FNTB: variants seen among roughly 807,000 people sequenced by gnomAD.
FNTB encodes protein farnesyltransferase subunit beta.
Under a neutral mutation model 59.4 loss-of-function variants are expected in FNTB, and 27 were observed. That is an observed-to-expected ratio of 0.45 (90% CI 0.34 to 0.63). FNTB has a LOEUF of 0.63. Among genes scored for constraint, FNTB ranks in the 20% least tolerant of loss-of-function variants. The pLI, the probability that FNTB is intolerant of heterozygous loss-of-function variation, is 0.02. For synonymous variants in FNTB, 230 were observed against 220.7 expected, an observed-to-expected ratio of 1.04 and a Z score of -0.37; for missense variants, 449 against 559.6, an observed-to-expected ratio of 0.80 and a Z score of 1.99.
Position 65,027,818 on chromosome 14 carries a change from ACT to A in FNTB, c.605+40_605+41del. 1 of 1,613,224 alleles carries A rather than the reference ACT, an allele frequency of 6.2e-7. No homozygotes were observed. The highest frequency in any genetic ancestry group is 8.5e-7 in the Non-Finnish European group (1 of 1,179,652). On this transcript the variant is annotated intron_variant, in intron 6 of 11. Transcript: ENST00000246166. This position sits in a 1 kb window ranked among gnomAD's most constrained non-coding sequence, Gnocchi z 5.7. The stretch of plus-strand genomic sequence containing the variant: ...TTTGCACAGGCTGCCACATCAGTTG[ACT>A]CTAGAGCTCATCTGCCATTAGAGAT...
rs1323386467 is a variant in FNTB at position 65,056,739 on chromosome 14, A to G, written c.1182+2050A>G. On this transcript the variant is annotated intron_variant, in intron 11 of 11. Coordinates refer to ENST00000246166, the MANE Select transcript of FNTB (RefSeq NM_002028.4). ...TGTATATTTTTAATACTAATCTTCT[A>G]TCAGTTACATGTGTGTAGTGAATAT... Among the ~76,000 whole-genome samples the G allele has an allele frequency of 2.0e-5, 3 of 152,134 alleles. No individual in the cohort carries two copies. In the East Asian group the frequency reaches 5.8e-4, roughly 29 times the overall value.
chr14:65,005,485 C>CTT (rs1288609575), intron 2 of FNTB, among the ~76,000 whole-genome samples: 7 of 136,532 alleles, frequency 5.1e-5, no homozygotes, highest in Non-Finnish European at 1.1e-4. Flanking sequence ...TTCTTTCTTT[C>CTT]TTTCTTTCTT....
rs548076572 is a variant in FNTB at position 65,031,411 on chromosome 14, G to A, written c.606-1199G>A. 4.6e-5 allele frequency among the ~76,000 whole-genome samples: 7 copies of A among 151,532 alleles called. No homozygotes were observed. Among genetic ancestry groups the A allele is most frequent in the Non-Finnish European group, 8.8e-5 (6 of 67,888 alleles). The stretch of plus-strand genomic sequence containing the variant: ...TGGCTCACTGCAACCCCCGCCTCCC[G>A]GGTTCAAGTGGTTCTCCTGCCTCAG... On this transcript the variant is annotated intron_variant, in intron 6 of 11. Transcript: ENST00000246166. This position sits in a 1 kb window ranked among gnomAD's most constrained non-coding sequence, Gnocchi z 4.6.
intron 4 of FNTB, among the ~76,000 whole-genome samples, chr14:65,017,074 C>T (rs2061789280): frequency 1.3e-5 from 2 of 152,134 alleles, no homozygotes; most frequent in South Asian, 4.1e-4. Flanking sequence ...AGGCACCCAC[C>T]ACCGTGCCTG....
At chr14:65,025,708 G>A (rs920127957) in intron 4 of FNTB, among the ~76,000 whole-genome samples, 11 of 152,126 alleles carry the variant, frequency 7.2e-5, no homozygotes, top group African/African-American at 2.7e-4. Flanking sequence ...CTAGCTACTT[G>A]GGAGGCTGAG....
At chr14:64,996,463 C>T (rs751421352) in intron 1 of FNTB, among the ~76,000 whole-genome samples, 1 of 152,186 alleles carries the variant, frequency 6.6e-6, no homozygotes, top group African/African-American at 2.4e-5. Context: ...TACTGTTAGG[C>T]TTAACATTTG....
rs1427166269 is a variant in FNTB, at chr14:64,997,801, T to C, written c.145-6448T>C. On this transcript the variant is annotated intron_variant, in intron 1 of 11. Coordinates refer to ENST00000246166, the MANE Select transcript of FNTB (RefSeq NM_002028.4). This position sits in a 1 kb window ranked among gnomAD's most constrained non-coding sequence, Gnocchi z 4.5. The stretch of plus-strand genomic sequence containing the variant: ...GGTAAGAGTTCCTAGTGGCTTAGAG[T>C]CATCCTTGTCTCCCTGGTACAGAAA... Among the ~76,000 whole-genome samples the C allele has an allele frequency of 1.3e-5, 2 of 152,192 alleles. No homozygotes were observed. The highest frequency in any genetic ancestry group is 4.8e-5 in the African/African-American group (2 of 41,436).
At position 65,025,577 on chromosome 14, in the gene FNTB, G is replaced by A. The variant is rs576353365; in HGVS notation, c.375-1876G>A. ...CACCTGTGACCTCAGCACTTTGGGAGTCCGAGGTGGGAGGATTGCTTGAGC... is the reference window on the plus strand; with the variant it reads ...CACCTGTGACCTCAGCACTTTGGGAATCCGAGGTGGGAGGATTGCTTGAGC... On this transcript the variant is annotated intron_variant, in intron 4 of 11. Transcript: ENST00000246166. Among the ~76,000 whole-genome samples the A allele has an allele frequency of 6.3e-3, 961 of 152,314 alleles. 5 individuals carry two copies. Among genetic ancestry groups the A allele is most frequent in the Non-Finnish European group, 0.01 (708 of 68,026 alleles).
rs1325895215 is a variant in FNTB, at chr14:65,009,094, TTTTC to T, written c.210-3216_210-3213del. ...AGGTAAAAATAGGAAGAGCTCTACCTTTTCTTTCTTAACTTCCTACACAGAAAAG... is the reference window on the plus strand; with the variant it reads ...AGGTAAAAATAGGAAGAGCTCTACCTTTTCTTAACTTCCTACACAGAAAAG... On this transcript the variant is annotated intron_variant, in intron 2 of 11. Coordinates refer to ENST00000246166, the MANE Select transcript of FNTB (RefSeq NM_002028.4). The surrounding 1 kb of genome is among the most constrained non-coding windows in gnomAD (Gnocchi z 4.2). Among the ~76,000 whole-genome samples the T allele has an allele frequency of 1.3e-5, 2 of 152,172 alleles. No individual in the cohort carries two copies. The highest frequency in any genetic ancestry group is 2.9e-5 in the Non-Finnish European group (2 of 68,026).
At chr14:65,034,728 A>G (rs2062152010) in intron 7 of FNTB, among the ~76,000 whole-genome samples, 1 of 152,114 alleles carries the variant, frequency 6.6e-6, no homozygotes, top group African/African-American at 2.4e-5. Flanking sequence ...TTGCTGTGGT[A>G]AGTATGGAAT....
chr14:65,013,168 C>T (rs2061710260), intron 3 of FNTB, among the ~76,000 whole-genome samples: 1 of 152,150 alleles, frequency 6.6e-6, no homozygotes, highest in Admixed American at 6.5e-5. Context: ...GATTTGCCAA[C>T]TCAAATGCCT....
chr14:65,045,862 G>A (rs921610644), intron 9 of FNTB, among the ~76,000 whole-genome samples: 1 of 152,196 alleles, frequency 6.6e-6, no homozygotes, highest in Non-Finnish European at 1.5e-5. Flanking sequence ...AGGCATATAA[G>A]GCACTTACCC....
rs574413178 is a variant in FNTB, at chr14:65,054,013, A to G, written c.1068-562A>G. Among the ~76,000 whole-genome samples the G allele has an allele frequency of 6.6e-6, 1 of 152,362 alleles. No individual in the cohort carries two copies. The highest frequency in any genetic ancestry group is 2.1e-4 in the South Asian group (1 of 4,826). On this transcript the variant is annotated intron_variant, in intron 10 of 11. Transcript: ENST00000246166. This position sits in a 1 kb window ranked among gnomAD's most constrained non-coding sequence, Gnocchi z 4.4. ...GACAGCTGGAGAGACTGACTTTAAA[A>G]TTACAGTTTCCTTTAATAGTTTAAG...
chr14:65,019,060 C>T (rs1267699689), intron 4 of FNTB, among the ~76,000 whole-genome samples: 2 of 152,212 alleles, frequency 1.3e-5, no homozygotes, highest in South Asian at 2.1e-4. Context: ...CTCCCGGCTC[C>T]TACTCAGGAG....
At chr14:65,061,037 C>T (rs1194762351) in intron 11 of FNTB, 144 bp from the exon 12 acceptor site, 1 of 1,337,936 alleles carries the variant, frequency 7.5e-7, no homozygotes, top group Non-Finnish European at 1.0e-6. Context: ...TTAGCAAATA[C>T]ACCATTTTTG....
intron 9 of FNTB, among the ~76,000 whole-genome samples, chr14:65,049,197 T>C (rs191037147): frequency 2.0e-4 from 30 of 152,286 alleles, no homozygotes; most frequent in Admixed American, 1.9e-3. Flanking sequence ...TTTTTTTGTT[T>C]TGTGGAGCAA....
At chr14:65,003,974 G>C (rs80328224) in intron 1 of FNTB, among the ~76,000 whole-genome samples, 200 of 152,264 alleles carry the variant, frequency 1.3e-3, no homozygotes, top group African/African-American at 4.5e-3. Context: ...CAGAGTAACT[G>C]GTGCCAGGGA....
intron 4 of FNTB, among the ~76,000 whole-genome samples, chr14:65,022,940 G>A (rs187365831): frequency 6.6e-6 from 1 of 151,882 alleles, no homozygotes; most frequent in Non-Finnish European, 1.5e-5. Flanking sequence ...TGTACCTGTT[G>A]CATTTGTTTT....
At chr14:65,055,035 C>T (rs1359148692) in intron 11 of FNTB, among the ~76,000 whole-genome samples, 1 of 152,230 alleles carries the variant, frequency 6.6e-6, no homozygotes, top group Admixed American at 6.5e-5. Context: ...CGTGATAGCA[C>T]TGCAGCCATG....
Sources: gnomAD v4.1 joint callset for allele counts (sites outside exome capture counted in the v4.1 genomes callset) on GRCh38, gnomAD v4.1.1 for gene constraint, Gnocchi (gnomAD v3.1) non-coding constraint, MANE v1.5 for transcripts, NCBI Gene and HGNC (gene_info 2026-07-23, HGNC 2026-07-21) for gene names.